Variants in ZNF277 observed in about 807,000 individuals in gnomAD.
ZNF277 encodes the protein zinc finger protein 277.
Under a neutral mutation model 60.7 loss-of-function variants are expected in ZNF277, and 55 were observed. The observed-to-expected ratio is 0.91, with a 90% CI of 0.73 to 1.13. The LOEUF (loss-of-function observed/expected upper bound fraction) is 1.13. Ranked by LOEUF, ZNF277 falls within the 50% of genes most tolerant of loss-of-function variation. ZNF277 has a pLI of 0.00. For missense variants in ZNF277, 510 were observed against 523.0 expected (o/e 0.98, Z 0.24); for synonymous variants, 178 against 179.3 (o/e 0.99, Z 0.06).
intron 9 of ZNF277, among the ~76,000 whole-genome samples, chr7:112,338,650 A>G (rs1382797321): frequency 2.6e-5 from 4 of 152,208 alleles, no homozygotes; most frequent in Non-Finnish European, 5.9e-5. Context: ...GGGCCTAGAA[A>G]GCGCTCAAAA....
At chr7:112,331,551 G>A (rs1793229630) in intron 7 of ZNF277, among the ~76,000 whole-genome samples, 1 of 152,136 alleles carries the variant, frequency 6.6e-6, no homozygotes. Flanking sequence ...CTGCTTTAGG[G>A]TGGAATTTTG....
At chr7:112,228,335 T>A (rs914745837) in intron 1 of ZNF277, among the ~76,000 whole-genome samples, 2 of 152,110 alleles carry the variant, frequency 1.3e-5, no homozygotes, top group Non-Finnish European at 2.9e-5. Context: ...TTGTGAGTTA[T>A]CAGTCAACCA....
intron 1 of ZNF277, among the ~76,000 whole-genome samples, chr7:112,251,908 T>C (rs1791206809): frequency 6.6e-6 from 1 of 152,220 alleles, no homozygotes. Flanking sequence ...AGACAGCTTA[T>C]AAGAGAGTGT....
chr7:112,266,688 G>A (rs1322996355), intron 1 of ZNF277, among the ~76,000 whole-genome samples: 1 of 152,058 alleles, frequency 6.6e-6, no homozygotes, highest in Non-Finnish European at 1.5e-5. Context: ...GGTATGTGGA[G>A]CACAGAAAAT....
At chr7:112,290,924 G>T (rs1335481365) in intron 2 of ZNF277, among the ~76,000 whole-genome samples, 1 of 152,138 alleles carries the variant, frequency 6.6e-6, no homozygotes, top group Non-Finnish European at 1.5e-5. Flanking sequence ...CATTCACTCA[G>T]AACTCAAGAG....
At chr7:112,330,350 ATTAGCTTTGAAATGG>A in intron 7 of ZNF277, 134 bp downstream of exon 7, 1 of 805,534 alleles carries the variant, frequency 1.2e-6, no homozygotes, top group African/African-American at 1.7e-5. Flanking sequence ...TCAAGTAGTG[ATTAGCTTTGAAATGG>A]TTAGAGTACA....
intron 1 of ZNF277, among the ~76,000 whole-genome samples, chr7:112,278,609 A>T (rs1177359545): frequency 1.3e-5 from 2 of 152,180 alleles, no homozygotes; most frequent in Non-Finnish European, 2.9e-5. Context: ...GGATATTTTG[A>T]TTAATTCATT....
intron 1 of ZNF277, among the ~76,000 whole-genome samples, chr7:112,245,226 C>T (rs376918096): frequency 2.3e-4 from 35 of 152,046 alleles, no homozygotes; most frequent in East Asian, 2.1e-3. Flanking sequence ...ATTCCTTTAC[C>T]GCTACCTTAA....
chr7:112,327,193 C>T (rs1793116790), intron 5 of ZNF277, among the ~76,000 whole-genome samples: 1 of 152,192 alleles, frequency 6.6e-6, no homozygotes, highest in Non-Finnish European at 1.5e-5. Flanking sequence ...CAGTGATCCC[C>T]AACCTTTTTG....
At chr7:112,254,314 A>G (rs934671969) in intron 1 of ZNF277, among the ~76,000 whole-genome samples, 7 of 152,194 alleles carry the variant, frequency 4.6e-5, no homozygotes, top group African/African-American at 7.2e-5. Flanking sequence ...TTTACATGCC[A>G]TACTCCAAAC....
At chr7:112,266,398 C>T (rs1791551499) in intron 1 of ZNF277, among the ~76,000 whole-genome samples, 1 of 152,294 alleles carries the variant, frequency 6.6e-6, no homozygotes, top group Non-Finnish European at 1.5e-5. Context: ...CCATCCTCCT[C>T]AGCCTGTCAA....
At chr7:112,292,240 CTG>C (rs902367836) in intron 2 of ZNF277, among the ~76,000 whole-genome samples, 103 of 152,280 alleles carry the variant, frequency 6.8e-4, no homozygotes, top group African/African-American at 2.4e-3. Context: ...TTTTTGGAAA[CTG>C]AGACCCACTG....
chr7:112,211,849 G>A (rs138463681), intron 1 of ZNF277, among the ~76,000 whole-genome samples: 105 of 152,248 alleles, frequency 6.9e-4, no homozygotes, highest in African/African-American at 1.8e-3. Flanking sequence ...AACTTCTTGA[G>A]GTCAAGAGTT....
intron 1 of ZNF277, among the ~76,000 whole-genome samples, chr7:112,274,544 G>T (rs1791749500): frequency 1.3e-5 from 2 of 152,080 alleles, no homozygotes; most frequent in African/African-American, 4.8e-5. Flanking sequence ...TATTGGTTGT[G>T]TTCATGAATT....
rs1228020828 is a variant in ZNF277 at position 112,221,069 on chromosome 7, G to A, written c.91+14262G>A. On this transcript the variant is annotated intron_variant, in intron 1 of 11. Transcript: ENST00000361822. ...ACCATCGCAGACCCGCCGCTGACCCGCCGCTGACTTCCACCCTTCCAGATC... is the reference window on the plus strand; with the variant it reads ...ACCATCGCAGACCCGCCGCTGACCCACCGCTGACTTCCACCCTTCCAGATC... Among the ~76,000 whole-genome samples the A allele has an allele frequency of 7.2e-5, 11 of 152,166 alleles. No individual in the cohort carries two copies. The South Asian group carries it at 1.5e-3, about 20-fold the overall frequency.
At chr7:112,213,028 T>A (rs1051021368) in intron 1 of ZNF277, among the ~76,000 whole-genome samples, 5 of 152,214 alleles carry the variant, frequency 3.3e-5, no homozygotes, top group Non-Finnish European at 7.3e-5. Flanking sequence ...GGTTTGGCTG[T>A]GTCCCCACCC....
intron 4 of ZNF277, among the ~76,000 whole-genome samples, chr7:112,315,316 C>G (rs1388709506): frequency 6.6e-6 from 1 of 151,936 alleles, no homozygotes; most frequent in East Asian, 1.9e-4. Flanking sequence ...TAGTTTTGTT[C>G]TAGGTTAAAA....
At chr7:112,233,589 T>C (rs558310303) in intron 1 of ZNF277, among the ~76,000 whole-genome samples, 2 of 152,338 alleles carry the variant, frequency 1.3e-5, no homozygotes, top group African/African-American at 4.8e-5. Context: ...TGCAATGATA[T>C]TACTCCCTTA....
intron 7 of ZNF277, among the ~76,000 whole-genome samples, chr7:112,331,900 T>C (rs559228329): frequency 1.1e-4 from 16 of 152,232 alleles, no homozygotes; most frequent in Non-Finnish European, 2.1e-4. Flanking sequence ...ATCTTGAGAC[T>C]AGCAGAACAT....
Sources: allele counts gnomAD v4.1 joint callset (sites outside exome capture counted in the v4.1 genomes callset), GRCh38; gene constraint gnomAD v4.1.1; transcripts MANE v1.5; gene names NCBI Gene and HGNC (gene_info 2026-07-23, HGNC 2026-07-21).